The following ATF3 variants were observed in gnomAD, a reference collection of about 807,000 sequenced individuals.
ATF3 encodes activating transcription factor 3.
ATF3 carries 10 observed loss-of-function variants against 18.4 expected under a neutral mutation model. That is an observed-to-expected ratio of 0.54 (90% CI 0.34 to 0.92). The LOEUF (loss-of-function observed/expected upper bound fraction) is 0.92. Among genes scored for constraint, ATF3 ranks in the 40% least tolerant of loss-of-function variants. The pLI is 0.02. For missense variants in ATF3, 183 were observed against 222.3 expected, an observed-to-expected ratio of 0.82 and a Z score of 1.12; for synonymous variants, 78 against 87.9, an observed-to-expected ratio of 0.89 and a Z score of 0.63.
At chr1:212,598,770 T>A (rs1654395927) in intron 1 of ATF3, among the ~76,000 whole-genome samples, 1 of 152,254 alleles carries the variant, frequency 6.6e-6, no homozygotes, top group Admixed American at 6.5e-5. Flanking sequence ...GTTTCATCCA[T>A]GTTGTTGCAA....
chr1:212,575,819 A>G (rs553821007), intron 1 of ATF3, among the ~76,000 whole-genome samples: 1 of 152,256 alleles, frequency 6.6e-6, no homozygotes, highest in South Asian at 2.1e-4. Context: ...TAATTTGTTA[A>G]TTTAATAAGT....
Position 212,620,004 on chromosome 1 carries a change from A to T in ATF3, c.*449A>T, listed in dbSNP as rs980632765. ...GAACAGCATTTAGTGAAGTTGTGCA[A>T]CGGCCAGGGTTGTGCTTTCTAGCAA... On this transcript the variant is annotated 3_prime_UTR_variant, in exon 4 of 4. Transcript: ENST00000341491. The T allele has an allele frequency of 4.4e-6, 1 of 226,682 alleles. No individual in the cohort carries two copies. The highest frequency in any genetic ancestry group is 5.2e-5 in the Admixed American group (1 of 19,396). 14.0% of individuals were successfully genotyped at this position (226,682 alleles called of 1,614,324 possible).
At chr1:212,615,317 G>C in intron 2 of ATF3, 56 bp downstream of exon 2, 1 of 1,578,368 alleles carries the variant, frequency 6.3e-7, no homozygotes, top group Non-Finnish European at 8.6e-7. Flanking sequence ...CGCAGCCACT[G>C]TGTGTTGGGC....
chr1:212,616,993 A>G (rs12070345), intron 2 of ATF3, among the ~76,000 whole-genome samples: 59,578 of 151,788 alleles, frequency 0.39, 12,935 homozygotes, highest in Non-Finnish European at 0.48. Flanking sequence ...TGGATATGTG[A>G]GTCTGGAGTT....
upstream of ATF3, among the ~76,000 whole-genome samples, chr1:212,603,776 ATGTGTGTG>A (rs145857442): frequency 2.7e-5 from 4 of 149,602 alleles, no homozygotes; most frequent in East Asian, 5.9e-4. Context: ...GTGTATATAT[ATGTGTGTG>A]TGTGTGTGTG....
intron 1 of ATF3, 28 bp from the exon 2 acceptor site, chr1:212,614,990 A>T: frequency 1.2e-6 from 2 of 1,614,128 alleles, no homozygotes; most frequent in Non-Finnish European, 1.7e-6. Flanking sequence ...AGCCCCTGAA[A>T]CAGTTTGGGT....
At chr1:212,569,847 T>G (rs928617358) in intron 1 of ATF3, among the ~76,000 whole-genome samples, 1 of 152,182 alleles carries the variant, frequency 6.6e-6, no homozygotes, top group Non-Finnish European at 1.5e-5. Flanking sequence ...TTCATGGCAA[T>G]TCTTATTTAC....
chr1:212,600,292 C>A (rs1480516101), intron 1 of ATF3, among the ~76,000 whole-genome samples: 1 of 152,210 alleles, frequency 6.6e-6, no homozygotes, highest in African/African-American at 2.4e-5. Context: ...TCCCTTTGTC[C>A]CTGGGGACAG....
chr1:212,584,020 C>T (rs1029597738), intron 1 of ATF3, among the ~76,000 whole-genome samples: 11 of 152,188 alleles, frequency 7.2e-5, no homozygotes, highest in South Asian at 6.2e-4. Context: ...GAAAGCCAGA[C>T]GTTACATAAG....
At chr1:212,586,835 G>T (rs1288742576) in intron 1 of ATF3, among the ~76,000 whole-genome samples, 1 of 152,186 alleles carries the variant, frequency 6.6e-6, no homozygotes, top group Admixed American at 6.5e-5. Flanking sequence ...GGTCAGTGCT[G>T]CAACCTTAAG....
intron 1 of ATF3, among the ~76,000 whole-genome samples, chr1:212,601,597 C>T (rs908705951): frequency 1.3e-5 from 2 of 152,046 alleles, no homozygotes; most frequent in African/African-American, 2.4e-5. Flanking sequence ...TCTGTAAAAC[C>T]GAGATAAAAA....
intron 1 of ATF3, among the ~76,000 whole-genome samples, chr1:212,585,452 C>T (rs1387146157): frequency 6.6e-6 from 1 of 152,230 alleles, no homozygotes; most frequent in East Asian, 1.9e-4. Context: ...CCTTCTCCTT[C>T]AGGCTTCACC....
chr1:212,579,412 A>AT (rs1471970939), intron 1 of ATF3, among the ~76,000 whole-genome samples: 1 of 152,160 alleles, frequency 6.6e-6, no homozygotes, highest in Non-Finnish European at 1.5e-5. Flanking sequence ...GGCAGTATAT[A>AT]TTTTTTTATT....
chr1:212,570,604 G>A (rs549285257), intron 1 of ATF3, among the ~76,000 whole-genome samples: 1 of 152,178 alleles, frequency 6.6e-6, no homozygotes, highest in Admixed American at 6.5e-5. Flanking sequence ...GCTCCCTCGT[G>A]TTCTCTCCCA....
At position 212,619,832 on chromosome 1, in the gene ATF3, T is replaced by A. The variant is rs999816759; in HGVS notation, c.*277T>A. 5.5e-6 allele frequency: 2 copies of A among 361,056 alleles called. No homozygotes were observed. Among genetic ancestry groups the A allele is most frequent in the African/African-American group, 4.2e-5 (2 of 47,472 alleles). The allele number at this position is 361,056 out of a possible 1,614,324, so 22.4% of individuals were successfully genotyped here. On this transcript the variant is annotated 3_prime_UTR_variant, in exon 4 of 4. Coordinates refer to ENST00000341491, the MANE Select transcript of ATF3 (RefSeq NM_001674.4). The surrounding 1 kb of genome is among the most constrained non-coding windows in gnomAD (Gnocchi z 4.4). ...TGTTCCAGATGGCCCCCAGCTGGTGTCCTGCCCGCCTTTCATCTGGATTCT... is the reference window on the plus strand; with the variant it reads ...TGTTCCAGATGGCCCCCAGCTGGTGACCTGCCCGCCTTTCATCTGGATTCT...
At chr1:212,604,530 G>A (rs1269791695), upstream of ATF3, among the ~76,000 whole-genome samples, 1 of 152,186 alleles carries the variant, frequency 6.6e-6, no homozygotes, top group Non-Finnish European at 1.5e-5. Flanking sequence ...AAGTATTGGA[G>A]GTGGGAGAAG....
intron 1 of ATF3, among the ~76,000 whole-genome samples, chr1:212,612,304 G>C (rs528287637): frequency 6.6e-6 from 1 of 152,154 alleles, no homozygotes; most frequent in Non-Finnish European, 1.5e-5. Context: ...GGTAGGGGGC[G>C]GGAGTCATAA....
intron 1 of ATF3, among the ~76,000 whole-genome samples, chr1:212,612,768 C>G (rs569103916): frequency 3.0e-4 from 45 of 152,166 alleles, no homozygotes; most frequent in African/African-American, 1.1e-3. Flanking sequence ...TGTTAGATCT[C>G]CAGGGGGAGT....
At chr1:212,585,274 C>T (rs1293217217) in intron 1 of ATF3, among the ~76,000 whole-genome samples, 3 of 152,198 alleles carry the variant, frequency 2.0e-5, no homozygotes, top group African/African-American at 4.8e-5. Flanking sequence ...TCCTACCTGT[C>T]GACCTCTCCA....
Sources: allele counts gnomAD v4.1 joint callset (sites outside exome capture counted in the v4.1 genomes callset), GRCh38; gene constraint gnomAD v4.1.1; non-coding constraint Gnocchi (gnomAD v3.1); transcripts MANE v1.5; gene names NCBI Gene and HGNC (gene_info 2026-07-23, HGNC 2026-07-21).